MIGA2: variants seen among roughly 807,000 people sequenced by gnomAD.
MIGA2 encodes family with sequence similarity 73, member B.
A neutral mutation model predicts 69.9 loss-of-function variants in MIGA2; 36 were observed. The observed-to-expected ratio is 0.52, with a 90% CI of 0.39 to 0.68. The LOEUF (loss-of-function observed/expected upper bound fraction) is 0.68, where lower values mean the gene tolerates loss of function less well. MIGA2 is among the 30% of genes least tolerant of loss of function. The pLI is 0.00. For missense variants in MIGA2, 660 were observed against 787.7 expected (o/e 0.84, Z 1.94); for synonymous variants, 333 against 349.2 (o/e 0.95, Z 0.52).
At position 129,049,376 on chromosome 9, in the gene MIGA2, C is replaced by A; in HGVS notation, c.421-5C>A. ...CTCTTTCTTCTTGCACTGATTGGCG[C>A]CCAGATGATGGCAGTGAACTCATCC... On this transcript the variant is annotated splice_region_variant and splice_polypyrimidine_tract_variant and intron_variant, in intron 4 of 15. Transcript: ENST00000684074. 1 of 1,612,836 alleles carries A rather than the reference C, an allele frequency of 6.2e-7. No individual in the cohort carries two copies. The highest frequency in any genetic ancestry group is 1.3e-5 in the African/African-American group (1 of 75,030).
rs908041820 is a variant in MIGA2, at chr9:129,069,796, G to A, written c.1459-53G>A. ...CCTTTATGCGACACCTGGGCCTGGT[G>A]CCCTCATCCTACCTGGGCCCCGCCT... On this transcript the variant is annotated intron_variant, in intron 14 of 15. Transcript: ENST00000684074. This position sits in a 1 kb window ranked among gnomAD's most constrained non-coding sequence, Gnocchi z 4.9. The A allele has an allele frequency of 5.7e-6, 7 of 1,235,904 alleles. No individual in the cohort carries two copies. The highest frequency in any genetic ancestry group is 3.8e-4 in the Middle Eastern group (2 of 5,310). The allele number at this position is 1,235,904 out of a possible 1,614,324, so 76.6% of individuals were successfully genotyped here. A position where few individuals can be genotyped will look rare whatever the true frequency, so the allele number is the denominator to read the frequency against.
intron 10 of MIGA2, 60 bp from the exon 11 acceptor site, chr9:129,063,483 CCG>C: frequency 1.9e-6 from 3 of 1,591,264 alleles, no homozygotes; most frequent in Non-Finnish European, 1.7e-6. Context: ...GTGGCCCTCT[CCG>C]TGGGCTTTGA....
chr9:129,049,335 G>A, intron 4 of MIGA2, 46 bp from the exon 5 acceptor site: 1 of 1,588,392 alleles, frequency 6.3e-7, no homozygotes, highest in Non-Finnish European at 8.6e-7. Flanking sequence ...CCTGCAGAGA[G>A]CCCGGGAAAG....
At chr9:129,052,916 A>G (rs1373117013) in intron 6 of MIGA2, among the ~76,000 whole-genome samples, 2 of 152,130 alleles carry the variant, frequency 1.3e-5, no homozygotes, top group African/African-American at 4.8e-5. Context: ...GGGAACGGGC[A>G]CCTGTAGGAG....
In MIGA2 at chr9:129,061,427, C is replaced by A; in HGVS notation, c.1010+81C>A. The A allele has an allele frequency of 7.8e-7, 1 of 1,289,012 alleles. No homozygotes were observed. The highest frequency in any genetic ancestry group is 1.1e-6 in the Non-Finnish European group (1 of 929,064). The allele number at this position is 1,289,012 out of a possible 1,614,324, so 79.8% of individuals were successfully genotyped here. On this transcript the variant is annotated intron_variant, in intron 9 of 15. Transcript: ENST00000684074. The surrounding 1 kb of genome is among the most constrained non-coding windows in gnomAD (Gnocchi z 5.0). ...CCCTTGCGGGAGGCGGAGAAGCCAG[C>A]GGTGCTTGGCGAGGACTTAGCCTGA...
chr9:129,059,152 A>T lies in MIGA2; in HGVS notation c.676-2A>T, dbSNP rs1845937692. 1 of 1,613,076 alleles carries T rather than the reference A, an allele frequency of 6.2e-7. No individual in the cohort carries two copies. Among genetic ancestry groups the T allele is most frequent in the Non-Finnish European group, 8.5e-7 (1 of 1,179,284 alleles). On this transcript the variant is annotated splice_acceptor_variant, in intron 6 of 15. Transcript: ENST00000684074. LOFTEE classifies it high-confidence loss of function. This position sits in a 1 kb window ranked among gnomAD's most constrained non-coding sequence, Gnocchi z 5.6. ...GGTTGAGGGTCCTTGTTTTTATGGC[A>T]GCCAGAGTCACAGCGGAAGGAGTTT... is the stretch of plus-strand genomic sequence containing the variant.
In MIGA2 at chr9:129,038,433, G is replaced by C. The variant is rs894096326; in HGVS notation, c.-144+1752G>C. 3.3e-5 allele frequency among the ~76,000 whole-genome samples: 5 copies of C among 152,130 alleles called. No individual in the cohort carries two copies. The East Asian group carries it at 9.6e-4, about 29-fold the overall frequency. Reference sequence around the variant, plus strand: ...CATCCTTGGGCTTGGAGCTGGAAGTGGGGGAGGACCCTGCCGGGTCTTGGG... The same window carrying C: ...CATCCTTGGGCTTGGAGCTGGAAGTCGGGGAGGACCCTGCCGGGTCTTGGG... On this transcript the variant is annotated intron_variant, in intron 1 of 15. Coordinates refer to ENST00000684074, the MANE Select transcript of MIGA2 (RefSeq NM_001329990.2).
At position 129,059,212 on chromosome 9, in the gene MIGA2, A is replaced by T; in HGVS notation, c.734A>T (p.Tyr245Phe). Residue 245 changes from tyrosine to phenylalanine, a missense_variant, in exon 7 of 16, where the codon TAC becomes TTC. Physicochemically the swap from Tyr to Phe is conservative, Grantham distance 22. Transcript: ENST00000684074. The surrounding 1 kb of genome is among the most constrained non-coding windows in gnomAD (Gnocchi z 5.6). The stretch of plus-strand genomic sequence containing the variant: ...CTGGAGTCCCTGCTGCACCGTGCCT[A>T]CCACCTGCAGGAGGAGTTCGGCTCC... ...EKLESLLHRA[Y>F]HLQEEFGSTF... is the part of the protein sequence containing the mutation. 1 of 1,610,826 alleles carries T rather than the reference A, an allele frequency of 6.2e-7. No individual in the cohort carries two copies.
chr9:129,069,669 A>C lies in MIGA2; in HGVS notation c.1459-180A>C, dbSNP rs1363392913. The C allele has an allele frequency of 1.6e-6, 1 of 637,550 alleles. No individual in the cohort carries two copies. The highest frequency in any genetic ancestry group is 2.8e-6 in the Non-Finnish European group (1 of 351,134). 39.5% of individuals were successfully genotyped at this position (637,550 alleles called of 1,614,324 possible). A position where few individuals can be genotyped will look rare whatever the true frequency, so the allele number is the denominator to read the frequency against. ...GCAGTACTCACAGCGGCCCATGGTTACCCTGTCTGCAGAAGTTAAAATGGG... is the reference window on the plus strand; with the variant it reads ...GCAGTACTCACAGCGGCCCATGGTTCCCCTGTCTGCAGAAGTTAAAATGGG... On this transcript the variant is annotated intron_variant, in intron 14 of 15. Coordinates refer to ENST00000684074, the MANE Select transcript of MIGA2 (RefSeq NM_001329990.2). The surrounding 1 kb of genome is among the most constrained non-coding windows in gnomAD (Gnocchi z 4.9).
intron 3 of MIGA2, among the ~76,000 whole-genome samples, chr9:129,047,460 T>A (rs1474788135): frequency 1.3e-5 from 2 of 152,078 alleles, no homozygotes; most frequent in African/African-American, 4.8e-5. Flanking sequence ...TTGCCCAGGC[T>A]GGAGTGCAGT....
At chr9:129,052,828 A>G (rs1372132851) in intron 6 of MIGA2, among the ~76,000 whole-genome samples, 1 of 152,118 alleles carries the variant, frequency 6.6e-6, no homozygotes, top group South Asian at 2.1e-4. Context: ...GGTCAGGGAA[A>G]TACCTGAGGT....
At chr9:129,047,421 A>T (rs576405484) in intron 3 of MIGA2, among the ~76,000 whole-genome samples, 2 of 144,120 alleles carry the variant, frequency 1.4e-5, no homozygotes, top group Non-Finnish European at 3.1e-5. Context: ...ATTTCATTAA[A>T]TTTTTTTTTT....
chr9:129,062,983 A>G (rs1183585090), intron 9 of MIGA2, among the ~76,000 whole-genome samples: 2 of 152,324 alleles, frequency 1.3e-5, no homozygotes, highest in Middle Eastern at 3.4e-3. Context: ...GTTGTGGCCT[A>G]AGGAGGCCTC....
rs1844966713 is a variant in MIGA2, at chr9:129,042,453, G to A, written c.246G>A (p.Glu82=). The A allele has an allele frequency of 1.9e-6, 3 of 1,609,504 alleles. No individual in the cohort carries two copies. The highest frequency in any genetic ancestry group is 2.5e-6 in the Non-Finnish European group (3 of 1,178,336). ...KKQVGPEMGG[E]QLGTVPLPIL... ...AGGTTGGTCCCGAGATGGGAGGGGA[G>A]CAGCTGGGCACGGTGCCCCTCCCTA... The change falls in exon 3 of 16, where the codon GAG becomes GAA. Residue 82 remains glutamate (E), a synonymous_variant. Coordinates refer to ENST00000684074, the MANE Select transcript of MIGA2 (RefSeq NM_001329990.2).
At chr9:129,044,993 T>G (rs1588373499) in intron 3 of MIGA2, among the ~76,000 whole-genome samples, 3 of 123,902 alleles carry the variant, frequency 2.4e-5, no homozygotes, top group African/African-American at 3.0e-5. Flanking sequence ...AGGTCAGGAG[T>G]TTGAGACCAG....
chr9:129,045,940 G>A (rs541969790), intron 3 of MIGA2, among the ~76,000 whole-genome samples: 22 of 150,462 alleles, frequency 1.5e-4, no homozygotes, highest in South Asian at 8.5e-4. Flanking sequence ...TGCAACCTCC[G>A]CCTCCCGGGT....
rs747348400 is a variant in MIGA2, at chr9:129,069,920, C to T, written c.1530C>T (p.Phe510=). The T allele has an allele frequency of 1.2e-6, 2 of 1,612,706 alleles. No individual in the cohort carries two copies. The highest frequency in any genetic ancestry group is 1.7e-6 in the Non-Finnish European group (2 of 1,179,618). ...TGAGCCCTGTCCTAGCCTTCGGCTTCCTTGGACCCAAGCCTCAGCTTGCTG... is the reference window on the plus strand; with the variant it reads ...TGAGCCCTGTCCTAGCCTTCGGCTTTCTTGGACCCAAGCCTCAGCTTGCTG... ...EHVSPVLAFG[F]LGPKPQLAEV... Residue 510 remains phenylalanine, a synonymous_variant, in exon 15 of 16, where the codon TTC becomes TTT. Coordinates refer to ENST00000684074, the MANE Select transcript of MIGA2 (RefSeq NM_001329990.2). This position sits in a 1 kb window ranked among gnomAD's most constrained non-coding sequence, Gnocchi z 4.9.
chr9:129,068,030 G>T lies in MIGA2; in HGVS notation c.1269+159G>T. 1 of 1,261,406 alleles carries T rather than the reference G, an allele frequency of 7.9e-7. No homozygotes were observed. Among genetic ancestry groups the T allele is most frequent in the East Asian group, 2.5e-5 (1 of 40,324 alleles). The allele number at this position is 1,261,406 out of a possible 1,614,324, so 78.1% of individuals were successfully genotyped here. On this transcript the variant is annotated intron_variant, in intron 12 of 15. Transcript: ENST00000684074. The surrounding 1 kb of genome is among the most constrained non-coding windows in gnomAD (Gnocchi z 4.1). The stretch of plus-strand genomic sequence containing the variant: ...CTGCCCTGCCCCAGGCCAAGGCAGA[G>T]GGAGGAATGGCCTCAGCTACACCCG...
At chr9:129,055,233 A>G (rs1845735551) in intron 6 of MIGA2, among the ~76,000 whole-genome samples, 1 of 151,812 alleles carries the variant, frequency 6.6e-6, no homozygotes, top group South Asian at 2.1e-4. Context: ...GCCAGCCACT[A>G]TGCCCAGCTA....
Sources: gnomAD v4.1 joint callset for allele counts (sites outside exome capture counted in the v4.1 genomes callset) on GRCh38, gnomAD v4.1.1 for gene constraint, Gnocchi (gnomAD v3.1) non-coding constraint, MANE v1.5 for transcripts, NCBI Gene and HGNC (gene_info 2026-07-23, HGNC 2026-07-21) for gene names.